IGF2BP2: variants seen among roughly 807,000 people sequenced by gnomAD.
IGF2BP2 encodes insulin-like growth factor 2 mRNA-binding protein 2.
Under a neutral mutation model 75.8 loss-of-function variants are expected in IGF2BP2, and 17 were observed. The ratio of observed to expected loss-of-function variants is 0.22; its 90% confidence interval spans 0.15 to 0.34. IGF2BP2 has a LOEUF of 0.34. Ranked by LOEUF, IGF2BP2 falls within the 10% of genes least tolerant of loss-of-function variation. The pLI is 1.00. For synonymous variants in IGF2BP2, 288 were observed against 295.6 expected (o/e 0.97, Z 0.26); for missense variants, 516 against 772.4 (o/e 0.67, Z 3.93).
At chr3:185,699,180 A>T (rs1722971418) in intron 2 of IGF2BP2, among the ~76,000 whole-genome samples, 2 of 152,202 alleles carry the variant, frequency 1.3e-5, no homozygotes, top group African/African-American at 4.8e-5. Flanking sequence ...AAAACCCAAG[A>T]AATCCCAACA....
At chr3:185,689,128 G>A in intron 6 of IGF2BP2, 1 of 551,856 alleles carries the variant, frequency 1.8e-6, no homozygotes, top group South Asian at 2.4e-5. Flanking sequence ...CTGGCTGTGA[G>A]GTTATCAGTA....
intron 8 of IGF2BP2, 84 bp from the exon 9 acceptor site, chr3:185,675,515 T>C: frequency 6.6e-7 from 1 of 1,505,730 alleles, no homozygotes; most frequent in Non-Finnish European, 9.0e-7. Context: ...CAAACAAGTT[T>C]TGGCGGAGAG....
intron 2 of IGF2BP2, among the ~76,000 whole-genome samples, chr3:185,748,422 A>G (rs1730550013): frequency 6.6e-6 from 1 of 152,204 alleles, no homozygotes; most frequent in African/African-American, 2.4e-5. Flanking sequence ...TGCTATTCCT[A>G]TTGTGGGAAG....
chr3:185,751,817 G>A, intron 2 of IGF2BP2, among the ~76,000 whole-genome samples: 1 of 151,880 alleles, frequency 6.6e-6, no homozygotes, highest in East Asian at 1.9e-4. Context: ...ACAAAAATTA[G>A]CTGGGCGTGG....
intron 6 of IGF2BP2, among the ~76,000 whole-genome samples, chr3:185,688,403 C>T (rs377085517): frequency 1.3e-5 from 2 of 152,166 alleles, no homozygotes; most frequent in Admixed American, 6.5e-5. Context: ...AGTGCAGTGG[C>T]GCCATCTCGG....
At position 185,647,597 on chromosome 3, in the gene IGF2BP2, C is replaced by T. The variant is rs1048013667; in HGVS notation, c.1594-459G>A. On this transcript the variant is annotated intron_variant, in intron 14 of 15. Transcript: ENST00000382199. The surrounding 1 kb of genome is among the most constrained non-coding windows in gnomAD (Gnocchi z 4.9). ...ATCAGCCCTGCTGTTCCCTCCTCCT[C>T]GTTTTCACTCCTGCCGCCAAGACTT... 2.6e-5 allele frequency among the ~76,000 whole-genome samples: 4 copies of T among 152,170 alleles called. No individual in the cohort carries two copies. The highest frequency in any genetic ancestry group is 7.2e-5 in the African/African-American group (3 of 41,440).
chr3:185,747,102 A>G (rs1332973355), intron 2 of IGF2BP2, among the ~76,000 whole-genome samples: 1 of 152,258 alleles, frequency 6.6e-6, no homozygotes, highest in Non-Finnish European at 1.5e-5. Context: ...ATAATTATCC[A>G]TCTACATATC....
At chr3:185,747,280 C>T (rs541502671) in intron 2 of IGF2BP2, among the ~76,000 whole-genome samples, 185 of 152,212 alleles carry the variant, frequency 1.2e-3, no homozygotes, top group Non-Finnish European at 2.1e-3. Flanking sequence ...GGTAACGCTA[C>T]GATTTATCAC....
chr3:185,747,578 C>T (rs1482480665), intron 2 of IGF2BP2, among the ~76,000 whole-genome samples: 4 of 151,984 alleles, frequency 2.6e-5, no homozygotes, highest in Non-Finnish European at 5.9e-5. Flanking sequence ...ACTTGAGAGG[C>T]CGAGGCACAA....
At chr3:185,749,631 G>C (rs1730701966) in intron 2 of IGF2BP2, among the ~76,000 whole-genome samples, 1 of 152,102 alleles carries the variant, frequency 6.6e-6, no homozygotes, top group Non-Finnish European at 1.5e-5. Context: ...ACTAATATAA[G>C]CTTCTCTTTT....
At chr3:185,790,433 C>A (rs1736492044) in intron 2 of IGF2BP2, among the ~76,000 whole-genome samples, 1 of 152,100 alleles carries the variant, frequency 6.6e-6, no homozygotes, top group Non-Finnish European at 1.5e-5. Flanking sequence ...TTAAGGGAAC[C>A]ACTAAGAAGG....
intron 12 of IGF2BP2, among the ~76,000 whole-genome samples, chr3:185,654,886 G>C (rs1715179143): frequency 6.6e-6 from 1 of 152,208 alleles, no homozygotes; most frequent in Non-Finnish European, 1.5e-5. Flanking sequence ...CTCTTGGAGT[G>C]CATCACCCAG....
chr3:185,737,473 AAG>A (rs527599730), intron 2 of IGF2BP2, among the ~76,000 whole-genome samples: 1 of 152,092 alleles, frequency 6.6e-6, no homozygotes, highest in South Asian at 2.1e-4. Flanking sequence ...GCTTGATCAA[AAG>A]AGAGTATAAA....
At chr3:185,654,500 A>G (rs1287902176) in intron 12 of IGF2BP2, among the ~76,000 whole-genome samples, 1 of 152,218 alleles carries the variant, frequency 6.6e-6, no homozygotes, top group African/African-American at 2.4e-5. Context: ...TGACCAAATC[A>G]GTTCTGCCAT....
chr3:185,688,925 G>C (rs1284084504), intron 6 of IGF2BP2, among the ~76,000 whole-genome samples: 1 of 152,174 alleles, frequency 6.6e-6, no homozygotes, highest in African/African-American at 2.4e-5. Context: ...TTTCTTGCTT[G>C]ACGTGGCAGT....
intron 2 of IGF2BP2, among the ~76,000 whole-genome samples, chr3:185,799,469 C>T (rs1384676874): frequency 1.3e-5 from 2 of 152,128 alleles, no homozygotes. Flanking sequence ...TCAGGAAATG[C>T]CAGGCACGGT....
chr3:185,748,421 T>C (rs1730549651), intron 2 of IGF2BP2, among the ~76,000 whole-genome samples: 1 of 152,238 alleles, frequency 6.6e-6, no homozygotes, highest in South Asian at 2.1e-4. Flanking sequence ...CTGCTATTCC[T>C]ATTGTGGGAA....
chr3:185,802,034 G>C (rs1023668247), intron 2 of IGF2BP2, among the ~76,000 whole-genome samples: 1 of 151,924 alleles, frequency 6.6e-6, no homozygotes, highest in Admixed American at 6.6e-5. Flanking sequence ...GCAAGGGGAG[G>C]GAGAGCATTA....
intron 2 of IGF2BP2, among the ~76,000 whole-genome samples, chr3:185,748,471 T>G (rs1333359345): frequency 6.6e-6 from 1 of 152,238 alleles, no homozygotes; most frequent in Admixed American, 6.5e-5. Context: ...TTTCTTTCCC[T>G]CCAGTAATAG....
Sources: gnomAD v4.1 joint callset for allele counts (sites outside exome capture counted in the v4.1 genomes callset) on GRCh38, gnomAD v4.1.1 for gene constraint, Gnocchi (gnomAD v3.1) non-coding constraint, MANE v1.5 for transcripts, NCBI Gene and HGNC (gene_info 2026-07-23, HGNC 2026-07-21) for gene names.